Variants in EXOC6B observed in about 807,000 individuals in gnomAD.
The protein encoded by EXOC6B is SEC15 homolog B.
Under a neutral mutation model 113.5 loss-of-function variants are expected in EXOC6B, and 54 were observed. The observed-to-expected ratio is 0.48, with a 90% CI of 0.38 to 0.60. The LOEUF (loss-of-function observed/expected upper bound fraction) is 0.60, where lower values mean the gene tolerates loss of function less well. Among genes scored for constraint, EXOC6B ranks in the 20% least tolerant of loss-of-function variants. The probability of loss-of-function intolerance (pLI) is 0.00; values close to 1 mark genes in which losing one functional copy is unlikely to be tolerated. For missense variants in EXOC6B, 797 were observed against 977.5 expected (o/e 0.82, Z 2.46); for synonymous variants, 357 against 339.0 (o/e 1.05, Z -0.58).
At chr2:72,212,670 C>T (rs771998561) in intron 20 of EXOC6B, among the ~76,000 whole-genome samples, 4 of 152,194 alleles carry the variant, frequency 2.6e-5, no homozygotes, top group Admixed American at 6.5e-5. Context: ...AGAAGCAGAG[C>T]TCAAGCCAAG....
At chr2:72,464,477 A>T (rs1226469922) in intron 18 of EXOC6B, 7 of 152,418 alleles carry the variant, frequency 4.6e-5, no homozygotes, top group Non-Finnish European at 1.0e-4. Context: ...TAAGGTGGTC[A>T]GCTTCAAACC....
intron 6 of EXOC6B, among the ~76,000 whole-genome samples, chr2:72,651,888 C>T (rs1674193456): frequency 6.6e-6 from 1 of 152,130 alleles, no homozygotes; most frequent in Non-Finnish European, 1.5e-5. Flanking sequence ...ACGTTTTTTA[C>T]TGAGCCTAAA....
At chr2:72,269,737 G>A (rs1451025743) in intron 20 of EXOC6B, among the ~76,000 whole-genome samples, 3 of 152,070 alleles carry the variant, frequency 2.0e-5, no homozygotes, top group Non-Finnish European at 2.9e-5. Flanking sequence ...TAACCTCTTT[G>A]AGCATTAGTG....
At chr2:72,549,992 A>G (rs1311451788) in intron 8 of EXOC6B, among the ~76,000 whole-genome samples, 1 of 152,176 alleles carries the variant, frequency 6.6e-6, no homozygotes, top group Non-Finnish European at 1.5e-5. Context: ...TAGTGCTAAG[A>G]ACAGAAGATA....
chr2:72,788,054 T>C (rs181583153), intron 1 of EXOC6B, among the ~76,000 whole-genome samples: 1 of 152,232 alleles, frequency 6.6e-6, no homozygotes, highest in African/African-American at 2.4e-5. Flanking sequence ...ATAGTGTTCT[T>C]ACCTGACATA....
At chr2:72,443,111 G>C (rs1484136770) in intron 18 of EXOC6B, among the ~76,000 whole-genome samples, 1 of 152,026 alleles carries the variant, frequency 6.6e-6, no homozygotes, top group African/African-American at 2.4e-5. Context: ...TGGGTCACTA[G>C]GTCAGGAGTT....
intron 18 of EXOC6B, among the ~76,000 whole-genome samples, chr2:72,433,563 G>C (rs1423586715): frequency 6.6e-6 from 1 of 152,130 alleles, no homozygotes; most frequent in Non-Finnish European, 1.5e-5. Flanking sequence ...CCATTTGTTT[G>C]TGTCCTCTCT....
At chr2:72,674,765 C>CT (rs1676168065) in intron 6 of EXOC6B, among the ~76,000 whole-genome samples, 1 of 151,858 alleles carries the variant, frequency 6.6e-6, no homozygotes, top group Non-Finnish European at 1.5e-5. Flanking sequence ...CACCACTGCA[C>CT]TCCAGCCTGG....
At chr2:72,274,666 T>C (rs911358162) in intron 20 of EXOC6B, among the ~76,000 whole-genome samples, 13 of 152,268 alleles carry the variant, frequency 8.5e-5, no homozygotes, top group African/African-American at 3.1e-4. Context: ...CATAAATACT[T>C]AAACTAAGCA....
intron 1 of EXOC6B, among the ~76,000 whole-genome samples, chr2:72,773,223 C>A (rs753597096): frequency 3.4e-5 from 5 of 147,306 alleles, no homozygotes; most frequent in Non-Finnish European, 7.4e-5. Context: ...ACCTCCCAGG[C>A]TCAGGTGATC....
At chr2:72,797,562 C>T (rs1685031462) in intron 1 of EXOC6B, among the ~76,000 whole-genome samples, 1 of 152,104 alleles carries the variant, frequency 6.6e-6, no homozygotes, top group South Asian at 2.1e-4. Flanking sequence ...GCCTGTAATC[C>T]CAGCACTTTG....
At chr2:72,201,316 G>T (rs1343441133) in intron 20 of EXOC6B, among the ~76,000 whole-genome samples, 1 of 152,122 alleles carries the variant, frequency 6.6e-6, no homozygotes, top group Non-Finnish European at 1.5e-5. Flanking sequence ...TTGTACAGTT[G>T]TGTTTCCAGA....
At chr2:72,710,052 C>A (rs1679176432) in intron 6 of EXOC6B, among the ~76,000 whole-genome samples, 1 of 152,004 alleles carries the variant, frequency 6.6e-6, no homozygotes, top group African/African-American at 2.4e-5. Flanking sequence ...ACAATTGGTA[C>A]CACCACCGTG....
chr2:72,821,908 C>T (rs1002016782), intron 1 of EXOC6B, among the ~76,000 whole-genome samples: 6 of 152,016 alleles, frequency 3.9e-5, no homozygotes, highest in Admixed American at 2.6e-4. Flanking sequence ...TATACATACC[C>T]AAAACCATTT....
At chr2:72,593,314 C>A (rs1402665272) in intron 6 of EXOC6B, among the ~76,000 whole-genome samples, 2 of 152,088 alleles carry the variant, frequency 1.3e-5, no homozygotes, top group Non-Finnish European at 2.9e-5. Context: ...GTCATCAGAA[C>A]CCCCAATTTG....
At chr2:72,653,467 T>G in intron 6 of EXOC6B, among the ~76,000 whole-genome samples, 1 of 145,740 alleles carries the variant, frequency 6.9e-6, no homozygotes, top group African/African-American at 2.5e-5. Flanking sequence ...AATGACGAGT[T>G]AATGGGTGCA....
At chr2:72,595,639 G>A (rs1486594344) in intron 6 of EXOC6B, among the ~76,000 whole-genome samples, 1 of 151,854 alleles carries the variant, frequency 6.6e-6, no homozygotes, top group Non-Finnish European at 1.5e-5. Context: ...CCCATTAGAA[G>A]CCAGAAGCAA....
At chr2:72,695,334 G>C (rs1439380756) in intron 6 of EXOC6B, among the ~76,000 whole-genome samples, 3 of 152,184 alleles carry the variant, frequency 2.0e-5, no homozygotes, top group Non-Finnish European at 4.4e-5. Flanking sequence ...ACTCAGATCA[G>C]CAAATTCACG....
chr2:72,704,654 C>T (rs1364293097), intron 6 of EXOC6B, among the ~76,000 whole-genome samples: 35 of 152,142 alleles, frequency 2.3e-4, no homozygotes, highest in East Asian at 9.6e-4. Context: ...ATATCACCAA[C>T]GATCCCACAG....
Sources: allele counts gnomAD v4.1 joint callset (sites outside exome capture counted in the v4.1 genomes callset), GRCh38; gene constraint gnomAD v4.1.1; transcripts MANE v1.5; gene names NCBI Gene and HGNC (gene_info 2026-07-23, HGNC 2026-07-21).